The following PPL variants were observed in gnomAD, a reference collection of about 807,000 sequenced individuals.
PPL encodes 190 kDa paraneoplastic pemphigus antigen.
In PPL, 198 loss-of-function variants were observed where a neutral mutation model predicts 194.4. That is an observed-to-expected ratio of 1.02 (90% CI 0.91 to 1.15). The LOEUF (loss-of-function observed/expected upper bound fraction) is 1.15. Among genes scored for constraint, PPL ranks in the 50% most tolerant of loss-of-function variants. The probability of loss-of-function intolerance (pLI) is 0.00; values close to 1 mark genes in which losing one functional copy is unlikely to be tolerated. For synonymous variants in PPL, 1,220 were observed against 972.4 expected, an observed-to-expected ratio of 1.25 and a Z score of -4.74; for missense variants, 2,885 against 2,294.8, an observed-to-expected ratio of 1.26 and a Z score of -5.25.
intron 18 of PPL, among the ~76,000 whole-genome samples, 180 bp from the exon 19 acceptor site, chr16:4,889,241 G>GTTTTTTTTTTTT (rs869094472): frequency 1.5e-5 from 1 of 66,634 alleles, no homozygotes; most frequent in African/African-American, 7.6e-5. Flanking sequence ...TGTTGTTGTT[G>GTTTTTTTTTTTT]TTTTTTTTTT....
At chr16:4,891,037 T>C in intron 16 of PPL, 116 bp from the exon 17 acceptor site, 1 of 865,994 alleles carries the variant, frequency 1.2e-6, no homozygotes, top group East Asian at 2.8e-5. Context: ...AGGCCACAGG[T>C]AGGAAGGACC....
At chr16:4,891,778 G>A (rs2088323071) in intron 16 of PPL, 33 bp downstream of exon 16, 1 of 1,582,624 alleles carries the variant, frequency 6.3e-7, no homozygotes, top group South Asian at 1.2e-5. Context: ...CCTGCTCAGA[G>A]AAGGACTCCC....
chr16:4,888,724 G>A, intron 19 of PPL: 1 of 356,130 alleles, frequency 2.8e-6, no homozygotes, highest in Non-Finnish European at 4.8e-6. Context: ...TTTTTTTTTT[G>A]TACTTTTTCC....
rs747671797 is a variant in PPL at position 4,893,583 on chromosome 16, G to C, written c.1450C>G (p.Leu484Val). Reference sequence around the variant, plus strand: ...TTCAGCACCTCATACCGCTGCTGCAGCGTGCGTTTGCTCCCAGCTGCCTTC... The same window carrying C: ...TTCAGCACCTCATACCGCTGCTGCACCGTGCGTTTGCTCCCAGCTGCCTTC... ...RQKAAGSKRT[L>V]QQRYEVLKTE... The change falls in exon 13 of 22, where the codon CTG becomes GTG. Residue 484 changes from leucine (L) to valine (V), a missense_variant. By Grantham distance (32) the Leu-to-Val change is conservative. Transcript: ENST00000345988. 5.0e-6 allele frequency: 8 copies of C among 1,611,530 alleles called. No individual in the cohort carries two copies. Among genetic ancestry groups the C allele is most frequent in the Non-Finnish European group, 6.8e-6 (8 of 1,179,654 alleles).
rs751709157 is a variant in PPL, at chr16:4,884,417, C to T, written c.4238G>A (p.Arg1413His). The change falls in exon 22 of 22, where the codon CGC (arginine) becomes CAC (histidine). Residue 1413 changes from arginine to histidine, a missense_variant. Coordinates refer to ENST00000345988, the MANE Select transcript of PPL (RefSeq NM_002705.5). This position sits in a 1 kb window ranked among gnomAD's most constrained non-coding sequence, Gnocchi z 5.7. ...CTGTACCTCGCGCTCGGCCTCCCTG[C>T]GGGCCTGCCGCTCGCGCTCTAGCTC... ...LEELERERQA[R>H]REAEREVQRL... The T allele has an allele frequency of 5.9e-5, 95 of 1,603,708 alleles. No homozygotes were observed. Among genetic ancestry groups the T allele is most frequent in the Non-Finnish European group, 4.9e-5 (58 of 1,177,740 alleles).
chr16:4,936,459 C>A (rs1409581351), intron 1 of PPL, among the ~76,000 whole-genome samples: 3 of 152,174 alleles, frequency 2.0e-5, no homozygotes, highest in Non-Finnish European at 4.4e-5. Context: ...GCCTCCCCGA[C>A]GCCAGGAACA....
chr16:4,906,539 T>G (rs2088687560), intron 2 of PPL, among the ~76,000 whole-genome samples: 1 of 152,120 alleles, frequency 6.6e-6, no homozygotes, highest in African/African-American at 2.4e-5. Context: ...TGGAGTAGAA[T>G]TTTATTCACT....
chr16:4,936,935 C>T (rs752244187), intron 1 of PPL, 49 bp downstream of exon 1: 6 of 1,548,980 alleles, frequency 3.9e-6, no homozygotes, highest in South Asian at 1.2e-5. Flanking sequence ...GTCCTGTGCG[C>T]CCACAGGGGC....
Position 4,900,842 on chromosome 16 carries a change from G to C in PPL, c.594C>G (p.Tyr198Ter). The C allele has an allele frequency of 1.2e-6, 2 of 1,614,068 alleles. No homozygotes were observed. The highest frequency in any genetic ancestry group is 8.5e-7 in the Non-Finnish European group (1 of 1,180,022). Residue 198 changes from tyrosine to a stop codon, truncating the protein, a stop_gained, in exon 6 of 22, where the codon TAC becomes TAG. Transcript: ENST00000345988. LOFTEE classifies it high-confidence loss of function. ...KEQNSELRAK[Y>*]QKLLAASQAR... ...GGGAGCTCCTCACCAGCAGTTTCTG[G>C]TACTTGGCCCGGAGTTCGCTGTTCT...
At chr16:4,888,244 G>C in intron 19 of PPL, 26 bp from the exon 20 acceptor site, 3 of 1,513,122 alleles carry the variant, frequency 2.0e-6, no homozygotes, top group Non-Finnish European at 9.2e-7. Context: ...ACATGGCAGA[G>C]GGGAGATTAA....
chr16:4,927,282 G>C (rs534625771), intron 1 of PPL, among the ~76,000 whole-genome samples: 19 of 152,340 alleles, frequency 1.2e-4, no homozygotes, highest in African/African-American at 4.6e-4. Flanking sequence ...TGATACTGAA[G>C]AGAGAAAGCA....
chr16:4,935,734 C>T (rs1214141053), intron 1 of PPL, among the ~76,000 whole-genome samples: 3 of 152,330 alleles, frequency 2.0e-5, no homozygotes, highest in East Asian at 3.9e-4. Context: ...AGGGCCCCGC[C>T]GCCTGCACCT....
At chr16:4,936,248 A>C (rs1277761584) in intron 1 of PPL, among the ~76,000 whole-genome samples, 1 of 152,128 alleles carries the variant, frequency 6.6e-6, no homozygotes, top group East Asian at 1.9e-4. Flanking sequence ...TGCGAAACCG[A>C]GCTTCGAAGA....
chr16:4,934,810 T>A (rs1004883722), intron 1 of PPL, among the ~76,000 whole-genome samples: 3 of 152,020 alleles, frequency 2.0e-5, no homozygotes, highest in African/African-American at 4.8e-5. Context: ...GAGATGCGTT[T>A]GAGAGGATGG....
In PPL at chr16:4,885,305, A is replaced by C. The variant is rs751288709; in HGVS notation, c.3350T>G (p.Val1117Gly). 1 of 1,607,036 alleles carries C rather than the reference A, an allele frequency of 6.2e-7. No homozygotes were observed. Among genetic ancestry groups the C allele is most frequent in the Non-Finnish European group, 8.5e-7 (1 of 1,178,346 alleles). ...MAEGKITVKE[V>G]LKVEKDAATE... ...GGCCGCGTCCTTCTCCACCTTGAGC[A>C]CCTCCTTGACGGTGATCTTGCCCTC... is the stretch of plus-strand genomic sequence containing the variant. Residue 1117 changes from valine (V) to glycine (G), a missense_variant, in exon 22 of 22, where the codon GTG becomes GGG. Coordinates refer to ENST00000345988, the MANE Select transcript of PPL (RefSeq NM_002705.5). The surrounding 1 kb of genome is among the most constrained non-coding windows in gnomAD (Gnocchi z 6.3).
intron 14 of PPL, 27 bp from the exon 15 acceptor site, chr16:4,892,240 T>C: frequency 2.5e-6 from 4 of 1,597,934 alleles, no homozygotes; most frequent in Non-Finnish European, 3.4e-6. Flanking sequence ...CCCTCAGTTT[T>C]GGACACAGCC....
intron 1 of PPL, among the ~76,000 whole-genome samples, chr16:4,932,255 C>G (rs904844479): frequency 9.5e-6 from 1 of 105,098 alleles, no homozygotes; most frequent in East Asian, 2.9e-4. Flanking sequence ...CAGTATGTGC[C>G]TGAGAAATGG....
At chr16:4,889,229 TTTG>T (rs1567992698) in intron 18 of PPL, among the ~76,000 whole-genome samples, 168 bp from the exon 19 acceptor site, 1,081 of 93,414 alleles carry the variant, frequency 0.012, 54 homozygotes, top group African/African-American at 0.038. Context: ...AGGCAGTTTT[TTTG>T]TTGTTGTTGT....
At position 4,884,020 on chromosome 16, in the gene PPL, C is replaced by T. The variant is rs777283415; in HGVS notation, c.4635G>A (p.Ser1545=). 22 of 1,613,710 alleles carry T rather than the reference C, an allele frequency of 1.4e-5. No individual in the cohort carries two copies. The highest frequency in any genetic ancestry group is 2.7e-5 in the African/African-American group (2 of 74,920). ...VEVSRLEARL[S]ELEFHNSKSS... ...ACTTGGAGTTATGGAATTCCAGCTC[C>T]GAAAGCCTGGCTTCCAGCCGGCTCA... Residue 1545 remains serine, a synonymous_variant, in exon 22 of 22, where the codon TCG becomes TCA. Transcript: ENST00000345988. The surrounding 1 kb of genome is among the most constrained non-coding windows in gnomAD (Gnocchi z 5.7).
Sources: gnomAD v4.1 joint callset for allele counts (sites outside exome capture counted in the v4.1 genomes callset) on GRCh38, gnomAD v4.1.1 for gene constraint, Gnocchi (gnomAD v3.1) non-coding constraint, MANE v1.5 for transcripts, NCBI Gene and HGNC (gene_info 2026-07-23, HGNC 2026-07-21) for gene names.